Variants in IL15 observed in about 807,000 individuals in gnomAD.
IL15 encodes the protein interleukin 15, also known as interleukin-15.
A neutral mutation model predicts 19.6 loss-of-function variants in IL15; 11 were observed. The observed-to-expected ratio is 0.56, with a 90% CI of 0.35 to 0.93. IL15 has a LOEUF of 0.93. Ranked by LOEUF, IL15 falls within the 40% of genes least tolerant of loss-of-function variation. IL15 has a pLI of 0.01. For missense variants in IL15, 197 were observed against 186.5 expected (o/e 1.06, Z -0.33); for synonymous variants, 58 against 59.6 (o/e 0.97, Z 0.12).
chr4:141,639,407 A>G (rs1726969277), intron 1 of IL15, among the ~76,000 whole-genome samples: 2 of 152,226 alleles, frequency 1.3e-5, no homozygotes, highest in Admixed American at 1.3e-4. Context: ...AATAATATTC[A>G]TTTGAGTGTC....
intron 2 of IL15, among the ~76,000 whole-genome samples, chr4:141,676,412 C>T (rs1018485954): frequency 1.8e-4 from 28 of 152,132 alleles, no homozygotes; most frequent in African/African-American, 6.5e-4. Context: ...ATGCCCTTGG[C>T]CACCCAGAAC....
intron 2 of IL15, among the ~76,000 whole-genome samples, chr4:141,658,492 G>A (rs939721490): frequency 3.9e-5 from 6 of 152,002 alleles, no homozygotes; most frequent in East Asian, 1.9e-4. Flanking sequence ...ATTATGGGGC[G>A]TGTGACTTTA....
intron 2 of IL15, among the ~76,000 whole-genome samples, chr4:141,673,643 G>A (rs879911011): frequency 2.0e-5 from 3 of 152,030 alleles, no homozygotes; most frequent in South Asian, 2.1e-4. Context: ...CGGAACACAC[G>A]TGAAATAATG....
At chr4:141,681,610 G>T (rs1364303872) in intron 2 of IL15, among the ~76,000 whole-genome samples, 1 of 152,138 alleles carries the variant, frequency 6.6e-6, no homozygotes, top group Non-Finnish European at 1.5e-5. Context: ...GTGGGTACCT[G>T]AGGGAATTTA....
At chr4:141,713,446 G>T (rs1729773582) in intron 2 of IL15, among the ~76,000 whole-genome samples, 1 of 152,188 alleles carries the variant, frequency 6.6e-6, no homozygotes, top group African/African-American at 2.4e-5. Context: ...GTCTATAGCT[G>T]CTCTTACACT....
Position 141,686,740 on chromosome 4 carries a change from T to C in IL15, c.-100+30433T>C, listed in dbSNP as rs533904579. ...AACTATGAATTCAAAATTAGCTAAT[T>C]AGAACATTTTAAAGGTATGTCTGTA... On this transcript the variant is annotated intron_variant, in intron 2 of 7. Coordinates refer to ENST00000320650, the MANE Select transcript of IL15 (RefSeq NM_000585.5). Among the ~76,000 whole-genome samples the C allele has an allele frequency of 2.0e-4, 30 of 152,298 alleles. No individual in the cohort carries two copies. The South Asian group carries it at 6.2e-3, about 32-fold the overall frequency.
At chr4:141,686,004 G>T (rs1728697526) in intron 2 of IL15, among the ~76,000 whole-genome samples, 1 of 152,118 alleles carries the variant, frequency 6.6e-6, no homozygotes, top group Non-Finnish European at 1.5e-5. Flanking sequence ...TAATCAAAAA[G>T]GGGCACAGTA....
intron 2 of IL15, among the ~76,000 whole-genome samples, chr4:141,690,205 G>A (rs1010953802): frequency 6.6e-6 from 1 of 152,160 alleles, no homozygotes; most frequent in Non-Finnish European, 1.5e-5. Flanking sequence ...GCCCGCAAGC[G>A]CCGCACGCAG....
At chr4:141,668,664 CTT>C (rs936081545) in intron 2 of IL15, among the ~76,000 whole-genome samples, 5 of 152,110 alleles carry the variant, frequency 3.3e-5, no homozygotes, top group Admixed American at 2.0e-4. Context: ...CCTTTTTTCT[CTT>C]TGCCTTCCCA....
At chr4:141,655,401 G>A (rs1287339673) in intron 1 of IL15, among the ~76,000 whole-genome samples, 2 of 151,844 alleles carry the variant, frequency 1.3e-5, no homozygotes, top group Non-Finnish European at 2.9e-5. Flanking sequence ...TTCTAAGATT[G>A]GTGGCTGTAT....
intron 1 of IL15, among the ~76,000 whole-genome samples, chr4:141,641,115 C>T (rs963082124): frequency 5.3e-5 from 8 of 152,162 alleles, no homozygotes; most frequent in South Asian, 2.1e-4. Flanking sequence ...ACTGTTAGCA[C>T]TGACCTCTAA....
At chr4:141,663,471 A>C (rs1727859237) in intron 2 of IL15, among the ~76,000 whole-genome samples, 1 of 152,188 alleles carries the variant, frequency 6.6e-6, no homozygotes, top group Non-Finnish European at 1.5e-5. Context: ...CCATTTTCAT[A>C]CTGGTCTTTT....
At chr4:141,668,651 C>A (rs1312859454) in intron 2 of IL15, among the ~76,000 whole-genome samples, 1 of 152,178 alleles carries the variant, frequency 6.6e-6, no homozygotes, top group African/African-American at 2.4e-5. Context: ...AGGTCTTCCT[C>A]TTCCTTTTTT....
At chr4:141,664,065 G>T (rs772271957) in intron 2 of IL15, among the ~76,000 whole-genome samples, 9 of 152,068 alleles carry the variant, frequency 5.9e-5, no homozygotes, top group Non-Finnish European at 1.0e-4. Context: ...TGCTTATTCT[G>T]TTAAAAGTAT....
At chr4:141,710,663 T>C (rs1454955476) in intron 2 of IL15, among the ~76,000 whole-genome samples, 116 of 152,266 alleles carry the variant, frequency 7.6e-4, no homozygotes, top group Non-Finnish European at 8.8e-5. Context: ...CACTTTCTTT[T>C]TTTTCTTCTC....
intron 2 of IL15, among the ~76,000 whole-genome samples, chr4:141,689,876 T>C (rs1167532634): frequency 1.3e-5 from 2 of 152,082 alleles, no homozygotes; most frequent in African/African-American, 4.8e-5. Context: ...AGCCCTTGGG[T>C]GGTCGATGGG....
chr4:141,671,058 C>CATGATGG (rs1440166019), intron 2 of IL15, among the ~76,000 whole-genome samples: 4 of 152,068 alleles, frequency 2.6e-5, no homozygotes, highest in African/African-American at 9.7e-5. Flanking sequence ...TTCATCCATC[C>CATGATGG]GTCTAACAAT....
chr4:141,650,466 T>C (rs748297073), intron 1 of IL15, among the ~76,000 whole-genome samples: 4 of 152,026 alleles, frequency 2.6e-5, no homozygotes, highest in Non-Finnish European at 4.4e-5. Flanking sequence ...CCTTTTGAAA[T>C]TGAAGTTAAT....
chr4:141,671,197 G>T (rs1411722760), intron 2 of IL15, among the ~76,000 whole-genome samples: 2 of 152,110 alleles, frequency 1.3e-5, no homozygotes, highest in Admixed American at 6.5e-5. Context: ...CTCATATTTT[G>T]TGGGAACACT....
Sources: allele counts gnomAD v4.1 joint callset (sites outside exome capture counted in the v4.1 genomes callset), GRCh38; gene constraint gnomAD v4.1.1; transcripts MANE v1.5; gene names NCBI Gene and HGNC (gene_info 2026-07-23, HGNC 2026-07-21).